ISM1: variants seen among roughly 807,000 people sequenced by gnomAD.
The protein encoded by ISM1 is isthmin 1.
ISM1 carries 25 observed loss-of-function variants against 46.3 expected under a neutral mutation model. The ratio of observed to expected loss-of-function variants is 0.54; its 90% CI spans 0.39 to 0.75. The LOEUF (loss-of-function observed/expected upper bound fraction) is 0.75. ISM1 is among the 30% of genes least tolerant of loss of function. ISM1 has a pLI of 0.00. For synonymous variants in ISM1, 255 were observed against 256.7 expected (o/e 0.99, Z 0.06); for missense variants, 536 against 625.4 (o/e 0.86, Z 1.52).
chr20:13,247,588 G>A (rs1234164725), intron 1 of ISM1, among the ~76,000 whole-genome samples: 1 of 151,536 alleles, frequency 6.6e-6, no homozygotes, highest in Admixed American at 6.6e-5. Context: ...ACTTAAAAGA[G>A]AGACTTTAGC....
Position 13,279,820 on chromosome 20 carries a change from T to G in ISM1, c.565T>G (p.Phe189Val), listed in dbSNP as rs1187147639. The G allele has an allele frequency of 6.2e-7, 1 of 1,614,016 alleles. No individual in the cohort carries two copies. The highest frequency in any genetic ancestry group is 1.7e-5 in the Admixed American group (1 of 60,026). Reference protein sequence around the residue: ...KYDSTSDDSNFLNPPRGWDHT... With the variant: ...KYDSTSDDSNVLNPPRGWDHT... ...CGACAGTACCTCAGACGACAGCAAC[T>G]TCCTCAACCCCCCCAGGGGGTGGGA... The change falls in exon 3 of 6, where the codon TTC (phenylalanine) becomes GTC (valine). Residue 189 changes from phenylalanine (F) to valine (V), a missense_variant. Phe to Val is a conservative substitution (Grantham distance 50). This residue lies in a region of ISM1 where 367 missense variants were observed against 376.1 expected (regional missense o/e 0.98). Transcript: ENST00000262487.
chr20:13,247,194 G>A (rs1568669063), intron 1 of ISM1, among the ~76,000 whole-genome samples: 1 of 152,022 alleles, frequency 6.6e-6, no homozygotes, highest in South Asian at 2.1e-4. Context: ...TCGCACCATT[G>A]CACTCCAGCC....
At chr20:13,242,514 C>CA (rs2039738421) in intron 1 of ISM1, among the ~76,000 whole-genome samples, 1 of 151,934 alleles carries the variant, frequency 6.6e-6, no homozygotes. Context: ...CGAGAAGGTC[C>CA]AGTAAAAGGT....
intron 1 of ISM1, among the ~76,000 whole-genome samples, chr20:13,234,803 T>G (rs2039629564): frequency 6.6e-6 from 1 of 152,228 alleles, no homozygotes; most frequent in Non-Finnish European, 1.5e-5. Flanking sequence ...AACGAGGTCA[T>G]TTGGTTTTTT....
At chr20:13,260,160 G>A (rs2039971717) in intron 1 of ISM1, among the ~76,000 whole-genome samples, 1 of 152,230 alleles carries the variant, frequency 6.6e-6, no homozygotes, top group African/African-American at 2.4e-5. Context: ...GGTGGCAAAG[G>A]GAACAGGTGC....
rs541077393 is a variant in ISM1 at position 13,266,048 on chromosome 20, G to T, written c.139-4456G>T. Among the ~76,000 whole-genome samples, 3 of 152,234 alleles carry T rather than the reference G, an allele frequency of 2.0e-5. No homozygotes were observed. In the South Asian group the frequency reaches 6.2e-4, roughly 32 times the overall value. On this transcript the variant is annotated intron_variant, in intron 1 of 5. Coordinates refer to ENST00000262487, the MANE Select transcript of ISM1 (RefSeq NM_080826.2). ...AGAGAGAAAGGCAAATGGCAAAACC[G>T]AATCTGAAAACTCCTTTGCAGCAGT... is the stretch of plus-strand genomic sequence containing the variant.
chr20:13,290,457 G>A (rs775503127), intron 4 of ISM1, among the ~76,000 whole-genome samples: 1 of 152,154 alleles, frequency 6.6e-6, no homozygotes, highest in South Asian at 2.1e-4. Flanking sequence ...AGACCATCCT[G>A]GCTAACACGG....
At chr20:13,275,355 T>C (rs1012787433) in intron 2 of ISM1, among the ~76,000 whole-genome samples, 2 of 152,216 alleles carry the variant, frequency 1.3e-5, no homozygotes, top group Admixed American at 6.5e-5. Context: ...CTCCTTTTTC[T>C]CTAAAATACT....
At chr20:13,266,468 T>C (rs1201010508) in intron 1 of ISM1, among the ~76,000 whole-genome samples, 1 of 152,174 alleles carries the variant, frequency 6.6e-6, no homozygotes, top group Non-Finnish European at 1.5e-5. Context: ...TCAGTGGTAG[T>C]CACAGCTCTG....
chr20:13,313,341 T>C, the ISM1 span, among the ~76,000 whole-genome samples: 2 of 152,222 alleles, frequency 1.3e-5, no homozygotes, highest in Non-Finnish European at 2.9e-5. Context: ...AAGTGTAACC[T>C]AACTGGATGT....
the ISM1 span, among the ~76,000 whole-genome samples, chr20:13,319,141 T>C: frequency 1.3e-5 from 2 of 152,176 alleles, no homozygotes; most frequent in African/African-American, 4.8e-5. Flanking sequence ...GGGAAATCTC[T>C]GTTCCTTCTG....
chr20:13,268,649 G>A (rs78726217), intron 1 of ISM1, among the ~76,000 whole-genome samples: 1,745 of 152,292 alleles, frequency 0.011, 22 homozygotes, highest in Non-Finnish European at 0.015. Flanking sequence ...GGTGACAGAC[G>A]AGGTCTCTAT....
intron 1 of ISM1, among the ~76,000 whole-genome samples, chr20:13,237,637 G>T (rs1223431890): frequency 6.6e-6 from 1 of 152,170 alleles, no homozygotes; most frequent in Non-Finnish European, 1.5e-5. Flanking sequence ...GGTTGCCTAG[G>T]TGTCTTCAGT....
rs375599147 is a variant in ISM1 at position 13,298,978 on chromosome 20, G to A, written c.914G>A (p.Ser305Asn). ...TGTGAGCGCTGGATGAGCTGCAAAA[G>A]CGAGTTCTTAAAGAAGTACATGCAC... ...DSCERWMSCK[S>N]EFLKKYMHKV... The change falls in exon 6 of 6, where the codon AGC becomes AAC. Residue 305 changes from serine (S) to asparagine (N), a missense_variant. Physicochemically the swap from Ser to Asn is conservative, Grantham distance 46 (BLOSUM62 1). Transcript: ENST00000262487. 104 of 1,613,498 alleles carry A rather than the reference G, an allele frequency of 6.4e-5. No individual in the cohort carries two copies. Among genetic ancestry groups the A allele is most frequent in the Non-Finnish European group, 8.4e-5 (99 of 1,179,774 alleles).
At chr20:13,253,733 GAATTA>G (rs1028072857) in intron 1 of ISM1, among the ~76,000 whole-genome samples, 1 of 151,960 alleles carries the variant, frequency 6.6e-6, no homozygotes, top group African/African-American at 2.4e-5. Context: ...GAGAACACAT[GAATTA>G]AATTAATAAC....
At chr20:13,309,821 T>A in the ISM1 span, among the ~76,000 whole-genome samples, 1 of 150,708 alleles carries the variant, frequency 6.6e-6, no homozygotes, top group Non-Finnish European at 1.5e-5. Flanking sequence ...AAAAAAGAAA[T>A]CAAGAAAACA....
chr20:13,310,822 T>C, the ISM1 span, among the ~76,000 whole-genome samples: 1 of 152,184 alleles, frequency 6.6e-6, no homozygotes, highest in African/African-American at 2.4e-5. Flanking sequence ...AGTTGCTCAA[T>C]GTCACTAACC....
chr20:13,221,999 A>G, intron 1 of ISM1, 85 bp downstream of exon 1: 2 of 1,194,110 alleles, frequency 1.7e-6, no homozygotes, highest in Non-Finnish European at 2.1e-6. Flanking sequence ...GGGTGGATGC[A>G]GGGAGGCAGG....
chr20:13,267,078 A>C (rs904348282), intron 1 of ISM1, among the ~76,000 whole-genome samples: 69 of 152,354 alleles, frequency 4.5e-4, no homozygotes, highest in African/African-American at 1.5e-3. Flanking sequence ...TATTGATTGA[A>C]TAAAACAGGG....
Sources: allele counts gnomAD v4.1 joint callset (sites outside exome capture counted in the v4.1 genomes callset), GRCh38; gene constraint gnomAD v4.1.1; regional missense constraint gnomAD v4.1.1; transcripts MANE v1.5; gene names NCBI Gene and HGNC (gene_info 2026-07-23, HGNC 2026-07-21).